XKR9: variants seen among roughly 807,000 people sequenced by gnomAD.
XKR9 encodes the protein XK-related protein 9.
A neutral mutation model predicts 32.0 loss-of-function variants in XKR9; 32 were observed. The observed-to-expected ratio is 1.00, with a 90% confidence interval of 0.76 to 1.34. The LOEUF is 1.34. Among genes scored for constraint, XKR9 ranks in the 40% most tolerant of loss-of-function variants. The probability of loss-of-function intolerance (pLI) is 0.00; values close to 1 mark genes in which losing one functional copy is unlikely to be tolerated. For synonymous variants in XKR9, 168 were observed against 143.4 expected (o/e 1.17, Z -1.22); for missense variants, 546 against 429.7 (o/e 1.27, Z -2.39).
chr8:70,816,050 G>A, the XKR9 span, among the ~76,000 whole-genome samples: 1 of 152,042 alleles, frequency 6.6e-6, no homozygotes. Context: ...TACCCGGGAG[G>A]CAGAGGTTGC....
chr8:70,687,898 C>T (rs925517596), intron 3 of XKR9, among the ~76,000 whole-genome samples: 12 of 152,060 alleles, frequency 7.9e-5, no homozygotes, highest in Admixed American at 1.3e-4. Flanking sequence ...GTTTCATGTA[C>T]ACTTGAAACA....
the XKR9 span, among the ~76,000 whole-genome samples, chr8:70,816,970 C>G: frequency 2.0e-5 from 3 of 152,012 alleles, no homozygotes; most frequent in Admixed American, 2.0e-4. Context: ...AGGAACATAT[C>G]TCACAATAAC....
At chr8:71,055,245 C>T in the XKR9 span, among the ~76,000 whole-genome samples, 1 of 152,104 alleles carries the variant, frequency 6.6e-6, no homozygotes, top group Non-Finnish European at 1.5e-5. Flanking sequence ...GTGTCTCCCT[C>T]CAAGATTAAA....
chr8:70,857,048 A>G, the XKR9 span, among the ~76,000 whole-genome samples: 1 of 152,186 alleles, frequency 6.6e-6, no homozygotes, highest in South Asian at 2.1e-4. Flanking sequence ...ATACCCTAAC[A>G]TCACAATTAA....
the XKR9 span, among the ~76,000 whole-genome samples, chr8:70,858,521 A>G: frequency 1.3e-5 from 2 of 152,116 alleles, no homozygotes; most frequent in Admixed American, 1.3e-4. Flanking sequence ...TAAAATTGAT[A>G]TGTAACCACA....
At chr8:70,812,919 C>T in the XKR9 span, among the ~76,000 whole-genome samples, 3 of 152,216 alleles carry the variant, frequency 2.0e-5, no homozygotes, top group Non-Finnish European at 4.4e-5. Context: ...CAATGGCTTT[C>T]TTCACAGAAT....
the XKR9 span, among the ~76,000 whole-genome samples, chr8:70,967,115 T>C: frequency 2.1e-4 from 31 of 144,532 alleles, no homozygotes; most frequent in Admixed American, 1.9e-3. Context: ...CAGGCTGGAG[T>C]GCAGTGGTGC....
intron 2 of XKR9, among the ~76,000 whole-genome samples, chr8:70,754,451 C>T (rs1186958792): frequency 2.3e-5 from 3 of 129,652 alleles, no homozygotes; most frequent in Admixed American, 9.5e-5. Context: ...GAGCCCGCAT[C>T]GCCAAGTCAA....
chr8:71,063,241 G>A, the XKR9 span, among the ~76,000 whole-genome samples: 3 of 152,134 alleles, frequency 2.0e-5, no homozygotes, highest in African/African-American at 7.2e-5. Context: ...AGAGTCTGGG[G>A]TGAGGAGAGT....
chr8:70,842,768 A>G, the XKR9 span, among the ~76,000 whole-genome samples: 1 of 152,186 alleles, frequency 6.6e-6, no homozygotes, highest in African/African-American at 2.4e-5. Context: ...GCTATTTACT[A>G]GCTGAAACAG....
chr8:70,873,774 C>T, the XKR9 span, among the ~76,000 whole-genome samples: 15 of 152,214 alleles, frequency 9.9e-5, no homozygotes, highest in Admixed American at 5.9e-4. Context: ...GGATAACTCA[C>T]AGCAGAGTTT....
the XKR9 span, among the ~76,000 whole-genome samples, chr8:70,914,362 A>G: frequency 3.3e-5 from 5 of 152,218 alleles, no homozygotes; most frequent in African/African-American, 9.6e-5. Context: ...TCCACCAGTA[A>G]TGTATGTGAA....
intron 2 of XKR9, among the ~76,000 whole-genome samples, chr8:70,782,746 A>C (rs954019772): frequency 6.6e-6 from 1 of 152,104 alleles, no homozygotes; most frequent in East Asian, 1.9e-4. Context: ...TTCAGAAATG[A>C]TAAGATTTTC....
At chr8:70,836,574 A>G in the XKR9 span, among the ~76,000 whole-genome samples, 1 of 73,264 alleles carries the variant, frequency 1.4e-5, no homozygotes, top group Admixed American at 1.3e-4. Flanking sequence ...GAATGGATTT[A>G]AAAAAATGAT....
chr8:70,942,073 GT>G, the XKR9 span, among the ~76,000 whole-genome samples: 1 of 151,974 alleles, frequency 6.6e-6, no homozygotes, highest in Non-Finnish European at 1.5e-5. Context: ...ACTGGAAGGG[GT>G]TTTATGTTAT....
chr8:70,914,989 T>C, the XKR9 span, among the ~76,000 whole-genome samples: 4 of 152,140 alleles, frequency 2.6e-5, 1 homozygote, highest in East Asian at 1.9e-4. Flanking sequence ...GGCTCAAAGG[T>C]TGGGTTTTTC....
chr8:71,033,595 A>C, the XKR9 span, among the ~76,000 whole-genome samples: 3 of 152,122 alleles, frequency 2.0e-5, no homozygotes, highest in African/African-American at 7.2e-5. Context: ...ATCCCTCATG[A>C]ATAGATTAAT....
intron 3 of XKR9, among the ~76,000 whole-genome samples, chr8:70,691,979 G>A (rs540009630): frequency 1.4e-4 from 22 of 152,104 alleles, no homozygotes; most frequent in Middle Eastern, 3.4e-3. Context: ...CAGGTATAGC[G>A]TTGAATATGT....
the XKR9 span, among the ~76,000 whole-genome samples, chr8:70,944,704 A>G: frequency 6.6e-6 from 1 of 152,228 alleles, no homozygotes; most frequent in East Asian, 1.9e-4. Context: ...AGGAGAAAAG[A>G]CACAATCAGA....
Sources: gnomAD v4.1 joint callset for allele counts (sites outside exome capture counted in the v4.1 genomes callset) on GRCh38, gnomAD v4.1.1 for gene constraint, MANE v1.5 for transcripts, NCBI Gene and HGNC (gene_info 2026-07-23, HGNC 2026-07-21) for gene names.